The following GALNS variants were observed in gnomAD, a reference collection of about 807,000 sequenced individuals.
The protein encoded by GALNS is N-acetylgalactosamine-6-sulfatase.
Under a neutral mutation model 65.9 loss-of-function variants are expected in GALNS, and 65 were observed. That is an observed-to-expected ratio of 0.99 (90% CI 0.81 to 1.21). The LOEUF is 1.21. Among genes scored for constraint, GALNS ranks in the 50% most tolerant of loss-of-function variants. GALNS has a pLI of 0.00. For synonymous variants in GALNS, 346 were observed against 288.9 expected, an observed-to-expected ratio of 1.20 and a Z score of -2.00; for missense variants, 776 against 700.7, an observed-to-expected ratio of 1.11 and a Z score of -1.21.
intron 9 of GALNS, among the ~76,000 whole-genome samples, chr16:88,831,141 C>T (rs1244339089): frequency 1.3e-5 from 2 of 152,240 alleles, no homozygotes; most frequent in Admixed American, 6.5e-5. Flanking sequence ...CGAGAGCCTT[C>T]CTGCCTGTCT....
Position 88,847,248 on chromosome 16 carries a change from G to A in GALNS, c.121-4419C>T, listed in dbSNP as rs141184420. Among the ~76,000 whole-genome samples, 488 of 152,284 alleles carry A rather than the reference G, an allele frequency of 3.2e-3. 4 individuals are homozygous for A. Among genetic ancestry groups the A allele is most frequent in the African/African-American group, 0.011 (468 of 41,554 alleles). On this transcript the variant is annotated intron_variant, in intron 1 of 13. Coordinates refer to ENST00000268695, the MANE Select transcript of GALNS (RefSeq NM_000512.5). ...CAGCTGGGCATGGTGGCACACACCT[G>A]TAATCCCAGCTACTTGGGAGGCTGA...
chr16:88,816,841 G>A (rs930677626), intron 13 of GALNS: 52 of 985,356 alleles, frequency 5.3e-5, no homozygotes, highest in Non-Finnish European at 6.3e-5. Context: ...GAAGTCTGCA[G>A]CTGCCGAGGG....
intron 8 of GALNS, among the ~76,000 whole-genome samples, chr16:88,834,436 G>A (rs1247796269): frequency 1.1e-5 from 1 of 94,360 alleles, no homozygotes; most frequent in African/African-American, 4.2e-5. Flanking sequence ...CCCCCTCAGC[G>A]TGGTCTGGGA....
chr16:88,816,729 A>G, intron 13 of GALNS: 1 of 985,116 alleles, frequency 1.0e-6, no homozygotes, highest in Non-Finnish European at 1.2e-6. Flanking sequence ...CTTCCTTCCC[A>G]CGGCACGGCG....
At chr16:88,853,758 C>A (rs144196941) in intron 1 of GALNS, among the ~76,000 whole-genome samples, 5 of 152,150 alleles carry the variant, frequency 3.3e-5, no homozygotes, top group African/African-American at 9.7e-5. Context: ...GAAGCCAGGC[C>A]GCGCTGGACC....
intron 1 of GALNS, 66 bp downstream of exon 1, chr16:88,856,692 C>G (rs1967923651): frequency 1.7e-6 from 1 of 585,590 alleles, no homozygotes; most frequent in African/African-American, 2.0e-5. Context: ...CCTCGCTCCT[C>G]CCTCCATCCG....
At chr16:88,818,487 A>T (rs1909872946) in intron 12 of GALNS, among the ~76,000 whole-genome samples, 1 of 152,220 alleles carries the variant, frequency 6.6e-6, no homozygotes, top group Non-Finnish European at 1.5e-5. Flanking sequence ...GTAAACATTT[A>T]CAAATATGAC....
In GALNS at chr16:88,814,442, G is replaced by A. The variant is rs1185331443; in HGVS notation, c.1566C>T (p.His522=). The A allele has an allele frequency of 1.3e-6, 2 of 1,559,130 alleles. No individual in the cohort carries two copies. The highest frequency in any genetic ancestry group is 2.4e-5 in the South Asian group (2 of 84,532). ...CTGGCCTGAGTCTGCGCAGGTGCTA[G>A]TGGGACCAGAGGCACTTCTTGGGAA... ...ESIPKKCLWS[H] is the part of the protein sequence containing the mutation. Residue 522 remains histidine (H), a synonymous_variant, in exon 14 of 14, where the codon CAC becomes CAT. Coordinates refer to ENST00000268695, the MANE Select transcript of GALNS (RefSeq NM_000512.5).
chr16:88,850,371 C>A (rs935816437), intron 1 of GALNS, among the ~76,000 whole-genome samples: 46 of 152,182 alleles, frequency 3.0e-4, no homozygotes, highest in Non-Finnish European at 2.4e-4. Flanking sequence ...GAGCTGCGTC[C>A]GGATCTGCTT....
chr16:88,816,858 T>G lies in GALNS; in HGVS notation c.1482+1149A>C, dbSNP rs113826955. 2,231 of 985,424 alleles carry G rather than the reference T, an allele frequency of 2.3e-3. 34 individuals are homozygous for G. The African/African-American group carries it at 0.036, about 16-fold the overall frequency. 61.0% of individuals were successfully genotyped at this position (985,424 alleles called of 1,614,324 possible). Reference sequence around the variant, plus strand: ...AGTCTGCAGCTGCCGAGGGGCCTTCTTCCCGAATCCTGCGCGGCAGATCCA... The same window carrying G: ...AGTCTGCAGCTGCCGAGGGGCCTTCGTCCCGAATCCTGCGCGGCAGATCCA... On this transcript the variant is annotated intron_variant, in intron 13 of 13. Transcript: ENST00000268695.
At chr16:88,814,923 A>AG in intron 13 of GALNS, 1 of 547,454 alleles carries the variant, frequency 1.8e-6, no homozygotes, top group Non-Finnish European at 2.3e-6. Flanking sequence ...GGTAGAGACA[A>AG]GGGTTCCCCA....
rs570139885 is a variant in GALNS, at chr16:88,854,371, G to A, written c.120+2387C>T. ...AGGACCCCCTTGCACCCTGGGCCAC[G>A]TCAGGGCACCTCGGGGCTCCACTGT... is the stretch of plus-strand genomic sequence containing the variant. On this transcript the variant is annotated intron_variant, in intron 1 of 13. Transcript: ENST00000268695. Among the ~76,000 whole-genome samples the A allele has an allele frequency of 3.9e-5, 6 of 152,332 alleles. No homozygotes were observed. The South Asian group carries it at 6.2e-4, about 16-fold the overall frequency.
rs1404510198 is a variant in GALNS, at chr16:88,826,794, G to A, written c.1047C>T (p.Ser349=). The A allele has an allele frequency of 2.5e-6, 4 of 1,600,142 alleles. No homozygotes were observed. The highest frequency in any genetic ancestry group is 3.4e-6 in the Non-Finnish European group (4 of 1,174,020). ...LGSIMDLFTT[S]LALAGLTPPS... ...GCGGCGTCAGGCCCGCAAGGGCCAG[G>A]CTGGTGGTGAAGAGGTCCATGATGC... The change falls in exon 10 of 14, where the codon AGC becomes AGT. Residue 349 remains serine, a synonymous_variant. Transcript: ENST00000268695.
chr16:88,845,631 C>G (rs8054592), intron 1 of GALNS: 2 of 150,398 alleles, frequency 1.3e-5, no homozygotes, highest in African/African-American at 4.9e-5. Context: ...CCTGTACCAG[C>G]TACTTGGGAG....
At chr16:88,832,872 A>T (rs1171063241) in intron 8 of GALNS, among the ~76,000 whole-genome samples, 1 of 151,990 alleles carries the variant, frequency 6.6e-6, no homozygotes, top group Non-Finnish European at 1.5e-5. Flanking sequence ...ACTAGCCTAG[A>T]CTGGTTTCTA....
chr16:88,847,315 G>A (rs919395333), intron 1 of GALNS, among the ~76,000 whole-genome samples: 14 of 152,176 alleles, frequency 9.2e-5, no homozygotes, highest in African/African-American at 3.1e-4. Flanking sequence ...AGGCTGCAGT[G>A]AGCTGAGATC....
intron 13 of GALNS, chr16:88,815,886 G>T (rs767492231): frequency 2.0e-6 from 2 of 985,386 alleles, no homozygotes; most frequent in Non-Finnish European, 2.4e-6. Flanking sequence ...CTCAAAGGCC[G>T]CTCAGCTGTC....
chr16:88,820,123 C>T (rs1300617020), intron 12 of GALNS, among the ~76,000 whole-genome samples: 10 of 151,678 alleles, frequency 6.6e-5, no homozygotes, highest in African/African-American at 2.4e-4. Context: ...GTGACCATGC[C>T]TGGCCCCGTC....
chr16:88,825,729 T>G (rs1021264717), intron 10 of GALNS, among the ~76,000 whole-genome samples: 20 of 152,182 alleles, frequency 1.3e-4, no homozygotes, highest in African/African-American at 4.6e-4. Flanking sequence ...CGGGGTCTCC[T>G]GACCATGTTG....
Sources: allele counts gnomAD v4.1 joint callset (sites outside exome capture counted in the v4.1 genomes callset), GRCh38; gene constraint gnomAD v4.1.1; transcripts MANE v1.5; gene names NCBI Gene and HGNC (gene_info 2026-07-23, HGNC 2026-07-21).